The following EYA4 variants were observed in gnomAD, a reference collection of about 807,000 sequenced individuals.
The protein encoded by EYA4 is EYA transcriptional coactivator and phosphatase 4.
EYA4 carries 31 observed loss-of-function variants against 87.9 expected under a neutral mutation model. That is an observed-to-expected ratio of 0.35 (90% CI 0.27 to 0.48). The LOEUF is 0.48. Among genes scored for constraint, EYA4 ranks in the 20% least tolerant of loss-of-function variants. The pLI is 0.99. For missense variants in EYA4, 678 were observed against 761.4 expected (o/e 0.89, Z 1.29); for synonymous variants, 263 against 270.6 (o/e 0.97, Z 0.28).
intron 18 of EYA4, among the ~76,000 whole-genome samples, chr6:133,523,981 C>T (rs1800408478): frequency 6.6e-6 from 1 of 152,134 alleles, no homozygotes; most frequent in Non-Finnish European, 1.5e-5. Context: ...ATAACCTGCC[C>T]TGGGCTTTGA....
Position 133,531,310 on chromosome 6 carries a change from T to C in EYA4, c.*2505T>C. ...ACGAGCCAGCATCACAGCTTGGCCA[T>C]GGGACGTTGAGTATGCACAAACTAG... is the stretch of plus-strand genomic sequence containing the variant. On this transcript the variant is annotated 3_prime_UTR_variant, in exon 20 of 20. Transcript: ENST00000355286. 2 of 1,037,700 alleles carry C rather than the reference T, an allele frequency of 1.9e-6. No individual in the cohort carries two copies. Among genetic ancestry groups the C allele is most frequent in the African/African-American group, 3.1e-5 (2 of 63,500 alleles). 64.3% of individuals were successfully genotyped at this position (1,037,700 alleles called of 1,614,324 possible).
At chr6:133,415,071 A>G (rs1789591280) in intron 3 of EYA4, among the ~76,000 whole-genome samples, 1 of 152,186 alleles carries the variant, frequency 6.6e-6, no homozygotes, top group African/African-American at 2.4e-5. Flanking sequence ...CTAACCCTGT[A>G]ACTAACCAAA....
At chr6:133,247,233 A>G (rs1022426924) in intron 1 of EYA4, 2 of 152,254 alleles carry the variant, frequency 1.3e-5, no homozygotes, top group African/African-American at 2.4e-5. Context: ...GCTGGACAGC[A>G]AATGACTGAA....
intron 2 of EYA4, among the ~76,000 whole-genome samples, chr6:133,306,335 T>C (rs567398285): frequency 8.5e-5 from 13 of 152,134 alleles, no homozygotes; most frequent in Admixed American, 3.9e-4. Context: ...GAAGGGACCT[T>C]ATAGACAGAG....
At chr6:133,445,618 G>A (rs181135525) in intron 3 of EYA4, among the ~76,000 whole-genome samples, 10 of 144,512 alleles carry the variant, frequency 6.9e-5, no homozygotes, top group Middle Eastern at 7.6e-3. Flanking sequence ...TCGCTCTGTC[G>A]CTCCGGCTGG....
At chr6:133,308,034 C>A (rs1779941937) in intron 2 of EYA4, among the ~76,000 whole-genome samples, 1 of 152,154 alleles carries the variant, frequency 6.6e-6, no homozygotes, top group South Asian at 2.1e-4. Flanking sequence ...TGCACACGTT[C>A]TCTTGCCTGC....
chr6:133,391,319 T>C (rs763403212), intron 3 of EYA4, among the ~76,000 whole-genome samples: 1 of 144,262 alleles, frequency 6.9e-6, no homozygotes, highest in Admixed American at 7.4e-5. Flanking sequence ...AACCTCCACC[T>C]CCCAGGTTCA....
chr6:133,501,194 C>T (rs983446610), intron 13 of EYA4, among the ~76,000 whole-genome samples: 2 of 151,990 alleles, frequency 1.3e-5, no homozygotes, highest in Non-Finnish European at 2.9e-5. Context: ...TTAAATTAGC[C>T]CTTTCCACTC....
intron 2 of EYA4, among the ~76,000 whole-genome samples, chr6:133,304,862 C>T (rs1334454895): frequency 6.6e-6 from 1 of 152,052 alleles, no homozygotes; most frequent in African/African-American, 2.4e-5. Context: ...ATCCTTATTC[C>T]AAAGAGCTTA....
intron 2 of EYA4, among the ~76,000 whole-genome samples, chr6:133,356,622 G>T (rs1483977397): frequency 6.6e-6 from 1 of 152,050 alleles, no homozygotes; most frequent in Non-Finnish European, 1.5e-5. Context: ...CCATTATTAT[G>T]AAGCAAGCCT....
chr6:133,415,647 C>G (rs1042938221), intron 3 of EYA4, among the ~76,000 whole-genome samples: 14 of 152,206 alleles, frequency 9.2e-5, no homozygotes, highest in African/African-American at 3.4e-4. Flanking sequence ...AATTTACCAT[C>G]TCCTGACATA....
chr6:133,511,515 G>A (rs1799135220), intron 14 of EYA4, among the ~76,000 whole-genome samples: 1 of 151,492 alleles, frequency 6.6e-6, no homozygotes, highest in Non-Finnish European at 1.5e-5. Context: ...TGAGAACTAG[G>A]CATTTTAAAT....
chr6:133,336,539 A>T (rs897554646), intron 2 of EYA4, among the ~76,000 whole-genome samples: 5 of 152,222 alleles, frequency 3.3e-5, no homozygotes, highest in Non-Finnish European at 5.9e-5. Flanking sequence ...TAAGAATCCT[A>T]GAGTGGATAT....
At chr6:133,282,176 A>G (rs1777680983) in intron 2 of EYA4, among the ~76,000 whole-genome samples, 1 of 152,222 alleles carries the variant, frequency 6.6e-6, no homozygotes, top group Non-Finnish European at 1.5e-5. Flanking sequence ...AACCTGCTTC[A>G]TAGTGGCTGA....
intron 13 of EYA4, among the ~76,000 whole-genome samples, chr6:133,499,243 C>T (rs990406490): frequency 1.3e-5 from 2 of 152,112 alleles, no homozygotes; most frequent in African/African-American, 4.8e-5. Flanking sequence ...CTCCTATAGC[C>T]ATCTCCTAAC....
chr6:133,268,123 T>C (rs1437900469), intron 1 of EYA4, among the ~76,000 whole-genome samples: 1 of 152,210 alleles, frequency 6.6e-6, no homozygotes, highest in Non-Finnish European at 1.5e-5. Context: ...TATTAGTTTA[T>C]TATTTACATT....
intron 2 of EYA4, among the ~76,000 whole-genome samples, chr6:133,332,833 A>G (rs1782084131): frequency 6.7e-6 from 1 of 148,896 alleles, no homozygotes; most frequent in Admixed American, 6.9e-5. Context: ...GAGTGCTGGG[A>G]TTACAGGCAT....
intron 13 of EYA4, among the ~76,000 whole-genome samples, chr6:133,494,674 C>CA (rs369090290): frequency 0.031 from 3,451 of 112,996 alleles, 92 homozygotes; most frequent in African/African-American, 0.084. Flanking sequence ...CCTGCCTCTA[C>CA]AAAAAAAAAA....
chr6:133,465,919 T>TA (rs1211743033), intron 10 of EYA4, among the ~76,000 whole-genome samples: 1 of 152,170 alleles, frequency 6.6e-6, no homozygotes, highest in Non-Finnish European at 1.5e-5. Context: ...AATGATGTCT[T>TA]AAAACACTAA....
Sources: gnomAD v4.1 joint callset for allele counts (sites outside exome capture counted in the v4.1 genomes callset) on GRCh38, gnomAD v4.1.1 for gene constraint, MANE v1.5 for transcripts, NCBI Gene and HGNC (gene_info 2026-07-23, HGNC 2026-07-21) for gene names.